BPNT1: variants seen among roughly 807,000 people sequenced by gnomAD.
BPNT1 encodes the protein 3'(2'), 5'-bisphosphate nucleotidase 1.
In BPNT1, 28 loss-of-function variants were observed where a neutral mutation model predicts 36.9. The observed-to-expected ratio is 0.76, with a 90% CI of 0.56 to 1.04. The LOEUF is 1.04. Ranked by LOEUF, BPNT1 falls within the 50% of genes least tolerant of loss-of-function variation. The pLI is 0.00. For missense variants in BPNT1, 313 were observed against 372.9 expected (o/e 0.84, Z 1.32); for synonymous variants, 119 against 130.9 (o/e 0.91, Z 0.62).
At chr1:220,082,123 G>GCGTA (rs1655221920) in intron 1 of BPNT1, among the ~76,000 whole-genome samples, 1 of 134,520 alleles carries the variant, frequency 7.4e-6, no homozygotes, top group Non-Finnish European at 1.6e-5. Flanking sequence ...GAGAGAGAGT[G>GCGTA]TATATATATA....
chr1:220,083,237 A>AAC (rs200892141), intron 1 of BPNT1, among the ~76,000 whole-genome samples: 18 of 99,724 alleles, frequency 1.8e-4, no homozygotes, highest in African/African-American at 2.3e-4. Context: ...ACTCCATCTC[A>AAC]AAAAAAAAAA....
chr1:220,062,803 G>A lies in BPNT1; in HGVS notation c.626C>T (p.Ala209Val). 1 of 1,614,156 alleles carries A rather than the reference G, an allele frequency of 6.2e-7. No homozygotes were observed. The highest frequency in any genetic ancestry group is 8.5e-7 in the Non-Finnish European group (1 of 1,180,024). The change falls in exon 7 of 9, where the codon GCT becomes GTT. Residue 209 changes from alanine to valine, a missense_variant. Transcript: ENST00000322067. ...TCGCAGCACAGCATCGGGGTTCATA[G>A]CAGCAACACAGTCAGTAACCAACTT... ...SNKLVTDCVA[A>V]MNPDAVLRVG...
At chr1:220,078,371 TTAA>T (rs1271940449) in intron 2 of BPNT1, among the ~76,000 whole-genome samples, 1 of 143,318 alleles carries the variant, frequency 7.0e-6, no homozygotes, top group Non-Finnish European at 1.5e-5. Flanking sequence ...AATATAACTA[TTAA>T]TTATATAGAA....
In BPNT1 at chr1:220,058,178, GA is replaced by G. The variant is rs994178032; in HGVS notation, c.*665del. 1.2e-4 allele frequency: 115 copies of G among 973,646 alleles called. No homozygotes were observed. The highest frequency in any genetic ancestry group is 1.4e-4 in the Non-Finnish European group (112 of 815,960). 60.3% of individuals were successfully genotyped at this position (973,646 alleles called of 1,614,324 possible). Reference sequence around the variant, plus strand: ...GCTACAGAGCGAGACTCCGTCTCAGGAAAAAAAAAGAGAAATCTGGTTTAGA... The same window carrying G: ...GCTACAGAGCGAGACTCCGTCTCAGGAAAAAAAAGAGAAATCTGGTTTAGA... On this transcript the variant is annotated 3_prime_UTR_variant, in exon 9 of 9. Coordinates refer to ENST00000322067, the MANE Select transcript of BPNT1 (RefSeq NM_006085.6).
chr1:220,086,720 C>A (rs185301443), intron 1 of BPNT1, among the ~76,000 whole-genome samples: 4 of 151,770 alleles, frequency 2.6e-5, no homozygotes, highest in African/African-American at 9.7e-5. Flanking sequence ...GGACTACAGG[C>A]ACAAGCCACC....
intron 1 of BPNT1, among the ~76,000 whole-genome samples, chr1:220,084,332 CA>C (rs999325419): frequency 7.8e-4 from 99 of 126,692 alleles, no homozygotes; most frequent in Admixed American, 2.0e-3. Flanking sequence ...GGCTCTGTCT[CA>C]AAAAAAAAAA....
Sources: gnomAD v4.1 joint callset for allele counts (sites outside exome capture counted in the v4.1 genomes callset) on GRCh38, gnomAD v4.1.1 for gene constraint, MANE v1.5 for transcripts, NCBI Gene and HGNC (gene_info 2026-07-23, HGNC 2026-07-21) for gene names.